Variants in ATG7 observed in about 807,000 individuals in gnomAD.
The protein encoded by ATG7 is ubiquitin-like modifier-activating enzyme ATG7.
Under a neutral mutation model 82.4 loss-of-function variants are expected in ATG7, and 70 were observed. The observed-to-expected ratio is 0.85, with a 90% CI of 0.70 to 1.04. ATG7 has a LOEUF of 1.04. ATG7 is among the 50% of genes least tolerant of loss of function. The pLI, the probability that ATG7 is intolerant of heterozygous loss-of-function variation, is 0.00. For missense variants in ATG7, 792 were observed against 864.3 expected, an observed-to-expected ratio of 0.92 and a Z score of 1.05; for synonymous variants, 287 against 313.0, an observed-to-expected ratio of 0.92 and a Z score of 0.88.
At chr3:11,366,985 G>GTGTGTT (rs1263589136) in intron 18 of ATG7, among the ~76,000 whole-genome samples, 1 of 150,722 alleles carries the variant, frequency 6.6e-6, no homozygotes, top group Non-Finnish European at 1.5e-5. Context: ...GTGTGTGTGT[G>GTGTGTT]TGTGTGTGTG....
At chr3:11,290,553 T>A (rs957695155) in intron 3 of ATG7, 9 of 367,794 alleles carry the variant, frequency 2.4e-5, no homozygotes, top group South Asian at 3.8e-5. Context: ...CAGGTAGCTG[T>A]CACTGCCTGG....
chr3:11,409,190 T>TGA (rs2080651076), intron 19 of ATG7, among the ~76,000 whole-genome samples: 1 of 152,232 alleles, frequency 6.6e-6, no homozygotes. Flanking sequence ...GTCCTTGACT[T>TGA]ATAATAGTTT....
chr3:11,383,216 G>T (rs2078050916), intron 19 of ATG7, among the ~76,000 whole-genome samples: 1 of 152,124 alleles, frequency 6.6e-6, no homozygotes, highest in Non-Finnish European at 1.5e-5. Context: ...GCATTTAGTT[G>T]TCGTGTCTCT....
At chr3:11,514,777 A>G in intron 20 of ATG7, among the ~76,000 whole-genome samples, 1 of 152,220 alleles carries the variant, frequency 6.6e-6, no homozygotes, top group East Asian at 1.9e-4. Context: ...CACAAGGAGA[A>G]AAGAAAGAGA....
chr3:11,493,084 G>A (rs554805445), intron 20 of ATG7, among the ~76,000 whole-genome samples: 1 of 152,212 alleles, frequency 6.6e-6, no homozygotes, highest in Non-Finnish European at 1.5e-5. Flanking sequence ...GTTGTCCAAT[G>A]CCAAAAAAGA....
chr3:11,458,327 C>G (rs192773821), intron 20 of ATG7, among the ~76,000 whole-genome samples: 1 of 151,960 alleles, frequency 6.6e-6, no homozygotes, highest in Non-Finnish European at 1.5e-5. Flanking sequence ...GCAGCGGCAC[C>G]ATCTCCGCTC....
intron 20 of ATG7, among the ~76,000 whole-genome samples, chr3:11,458,728 C>G (rs996050470): frequency 3.9e-5 from 6 of 152,190 alleles, no homozygotes; most frequent in Admixed American, 1.3e-4. Context: ...AAAAAGAGAA[C>G]TTGTTTCAAC....
the ATG7 span, among the ~76,000 whole-genome samples, chr3:11,571,699 T>TA: frequency 6.6e-6 from 1 of 151,938 alleles, no homozygotes; most frequent in Non-Finnish European, 1.5e-5. Flanking sequence ...CCCACAAAGG[T>TA]AGTGTCCCTC....
intron 14 of ATG7, among the ~76,000 whole-genome samples, chr3:11,349,346 C>T (rs1306117964): frequency 6.6e-6 from 1 of 152,140 alleles, no homozygotes; most frequent in Non-Finnish European, 1.5e-5. Context: ...TGGGACCAGC[C>T]TGGGAGACAT....
intron 1 of ATG7, among the ~76,000 whole-genome samples, chr3:11,274,524 A>G (rs1941278653): frequency 6.6e-6 from 1 of 152,164 alleles, no homozygotes; most frequent in African/African-American, 2.4e-5. Context: ...GTGAGAATGC[A>G]TGGCCTGCTT....
chr3:11,483,179 TC>T (rs1039172938), intron 20 of ATG7, among the ~76,000 whole-genome samples: 1 of 152,132 alleles, frequency 6.6e-6, no homozygotes, highest in African/African-American at 2.4e-5. Flanking sequence ...ATAAGCATTC[TC>T]CCCGTCCCCC....
intron 20 of ATG7, among the ~76,000 whole-genome samples, chr3:11,536,298 GTTGGTCCACTTAACCT>G (rs1057187028): frequency 1.3e-4 from 20 of 152,222 alleles, no homozygotes; most frequent in Non-Finnish European, 2.5e-4. Flanking sequence ...CAGCGCTGAG[GTTGGTCCACTTAACCT>G]TTGGTCCACT....
intron 18 of ATG7, among the ~76,000 whole-genome samples, chr3:11,375,014 C>T (rs2077301346): frequency 7.0e-6 from 1 of 143,586 alleles, no homozygotes. Context: ...CCAGCATGGG[C>T]AACACAGCGA....
intron 20 of ATG7, among the ~76,000 whole-genome samples, chr3:11,498,810 G>A (rs1037626387): frequency 6.6e-6 from 1 of 152,210 alleles, no homozygotes; most frequent in Non-Finnish European, 1.5e-5. Context: ...CCTAGGCTGG[G>A]CTCCAGGCCA....
chr3:11,566,821 C>T, the ATG7 span, among the ~76,000 whole-genome samples: 93 of 152,332 alleles, frequency 6.1e-4, 1 homozygote, highest in Non-Finnish European at 3.1e-4. Flanking sequence ...CACACGGCAG[C>T]CTCTGAGGGC....
intron 20 of ATG7, among the ~76,000 whole-genome samples, chr3:11,545,287 GTTTT>G (rs1180099857): frequency 5.3e-5 from 8 of 152,170 alleles, no homozygotes; most frequent in Non-Finnish European, 8.8e-5. Context: ...TGATGGGATT[GTTTT>G]TTTGAGAAAT....
chr3:11,533,894 G>A (rs1257604637), intron 20 of ATG7, among the ~76,000 whole-genome samples: 1 of 152,114 alleles, frequency 6.6e-6, no homozygotes, highest in Admixed American at 6.5e-5. Context: ...TTCCTATTTT[G>A]CTCTTAAAAA....
chr3:11,466,990 G>T (rs1372005711), intron 20 of ATG7, among the ~76,000 whole-genome samples: 1 of 152,092 alleles, frequency 6.6e-6, no homozygotes, highest in Non-Finnish European at 1.5e-5. Flanking sequence ...TAGGTGTGGT[G>T]GCGGGCGCCT....
intron 20 of ATG7, among the ~76,000 whole-genome samples, chr3:11,443,629 C>T (rs1335877516): frequency 6.6e-6 from 1 of 152,148 alleles, no homozygotes; most frequent in Non-Finnish European, 1.5e-5. Context: ...TCAAATGATC[C>T]ACCTGCCTCA....
Sources: gnomAD v4.1 joint callset for allele counts (sites outside exome capture counted in the v4.1 genomes callset) on GRCh38, gnomAD v4.1.1 for gene constraint, MANE v1.5 for transcripts, NCBI Gene and HGNC (gene_info 2026-07-23, HGNC 2026-07-21) for gene names.